SCHIP1: variants seen among roughly 807,000 people sequenced by gnomAD.
SCHIP1 encodes the protein schwannomin interacting protein 1.
A neutral mutation model predicts 29.7 loss-of-function variants in SCHIP1; 8 were observed. That is an observed-to-expected ratio of 0.27 (90% CI 0.16 to 0.49). SCHIP1 has a LOEUF of 0.49. Among genes scored for constraint, SCHIP1 ranks in the 20% least tolerant of loss-of-function variants. The pLI is 0.99. For synonymous variants in SCHIP1, 76 were observed against 94.9 expected, an observed-to-expected ratio of 0.80 and a Z score of 1.16; for missense variants, 193 against 294.6, an observed-to-expected ratio of 0.66 and a Z score of 2.52.
the SCHIP1 span, among the ~76,000 whole-genome samples, chr3:159,811,981 T>TTTG: frequency 9.6e-6 from 1 of 104,420 alleles, no homozygotes; most frequent in African/African-American, 4.1e-5. Context: ...TTTGTTTTTG[T>TTTG]TTTTTTTTTT....
chr3:159,786,494 T>C, the SCHIP1 span, among the ~76,000 whole-genome samples: 2 of 152,252 alleles, frequency 1.3e-5, no homozygotes, highest in Admixed American at 1.3e-4. Context: ...TATTGGCATA[T>C]GTCTGTTCAA....
At chr3:159,787,264 A>T in the SCHIP1 span, among the ~76,000 whole-genome samples, 3 of 152,218 alleles carry the variant, frequency 2.0e-5, no homozygotes, top group African/African-American at 4.8e-5. Flanking sequence ...GCCTCTGCCT[A>T]GCCTTCAGTC....
chr3:159,777,351 A>G, the SCHIP1 span, among the ~76,000 whole-genome samples: 1 of 152,312 alleles, frequency 6.6e-6, no homozygotes, highest in South Asian at 2.1e-4. Flanking sequence ...AATCTTAAGG[A>G]GGAAAACCCA....
the SCHIP1 span, among the ~76,000 whole-genome samples, chr3:159,828,769 A>C: frequency 6.6e-6 from 1 of 152,062 alleles, no homozygotes; most frequent in African/African-American, 2.4e-5. Context: ...GCTTTAGCAA[A>C]ATGCATTTGT....
the SCHIP1 span, among the ~76,000 whole-genome samples, chr3:159,466,334 A>C: frequency 6.6e-6 from 1 of 152,086 alleles, no homozygotes; most frequent in Non-Finnish European, 1.5e-5. Flanking sequence ...AAAGAAAAAA[A>C]AGAACATGAG....
At chr3:159,301,676 A>T in the SCHIP1 span, among the ~76,000 whole-genome samples, 1 of 152,012 alleles carries the variant, frequency 6.6e-6, no homozygotes, top group Admixed American at 6.6e-5. Flanking sequence ...AAAGTGTGGC[A>T]CTTCCCCTTT....
chr3:159,527,091 T>G, the SCHIP1 span, among the ~76,000 whole-genome samples: 1 of 152,178 alleles, frequency 6.6e-6, no homozygotes, highest in South Asian at 2.1e-4. Context: ...AACCAGCCCT[T>G]TGGTTCAGAT....
At chr3:159,437,052 C>T in the SCHIP1 span, among the ~76,000 whole-genome samples, 1 of 152,108 alleles carries the variant, frequency 6.6e-6, no homozygotes, top group African/African-American at 2.4e-5. Flanking sequence ...ACTTCTAACT[C>T]CTGCTGGCCT....
chr3:159,666,773 T>G, the SCHIP1 span, among the ~76,000 whole-genome samples: 1 of 152,204 alleles, frequency 6.6e-6, no homozygotes, highest in Admixed American at 6.5e-5. Flanking sequence ...AAGAAATGTA[T>G]CATCATGAAG....
chr3:159,568,090 T>A, the SCHIP1 span, among the ~76,000 whole-genome samples: 4 of 152,096 alleles, frequency 2.6e-5, no homozygotes, highest in Admixed American at 6.6e-5. Context: ...TTTATATTTT[T>A]ATAGATTGTC....
At chr3:159,527,894 T>A in the SCHIP1 span, among the ~76,000 whole-genome samples, 1 of 152,220 alleles carries the variant, frequency 6.6e-6, no homozygotes, top group Non-Finnish European at 1.5e-5. Context: ...TTTAAATTGT[T>A]TGCCAAAGGC....
chr3:159,613,500 C>T, the SCHIP1 span, among the ~76,000 whole-genome samples: 1 of 152,218 alleles, frequency 6.6e-6, no homozygotes, highest in East Asian at 1.9e-4. Context: ...TCACTTAAAA[C>T]TTCAAACATT....
chr3:159,755,951 C>A, the SCHIP1 span, among the ~76,000 whole-genome samples: 1 of 152,260 alleles, frequency 6.6e-6, no homozygotes, highest in African/African-American at 2.4e-5. Context: ...TGGTCCTGGG[C>A]AGCTCTGCTT....
At chr3:159,882,033 C>T (rs1348515691) in intron 2 of SCHIP1, among the ~76,000 whole-genome samples, 1 of 152,224 alleles carries the variant, frequency 6.6e-6, no homozygotes, top group Non-Finnish European at 1.5e-5. Context: ...CCATCACTTC[C>T]TCTGCATTCT....
At chr3:159,802,499 G>T in the SCHIP1 span, among the ~76,000 whole-genome samples, 1 of 152,202 alleles carries the variant, frequency 6.6e-6, no homozygotes, top group Non-Finnish European at 1.5e-5. Flanking sequence ...TCAATAGATA[G>T]GGTTTTCTGT....
intron 1 of SCHIP1, among the ~76,000 whole-genome samples, chr3:159,842,951 G>T (rs908564550): frequency 6.8e-6 from 1 of 146,666 alleles, no homozygotes; most frequent in Admixed American, 7.0e-5. Context: ...GCCTTATCTG[G>T]ATGTAATCTG....
At chr3:159,461,548 T>A in the SCHIP1 span, among the ~76,000 whole-genome samples, 27 of 152,050 alleles carry the variant, frequency 1.8e-4, no homozygotes, top group African/African-American at 6.3e-4. Context: ...ACAGGAAAAA[T>A]TATCCGGAAG....
the SCHIP1 span, among the ~76,000 whole-genome samples, chr3:159,615,308 G>A: frequency 1.3e-5 from 2 of 152,282 alleles, no homozygotes; most frequent in African/African-American, 4.8e-5. Context: ...ACTTTCTGAC[G>A]GGAGTGGGAA....
the SCHIP1 span, among the ~76,000 whole-genome samples, chr3:159,661,108 A>G: frequency 6.6e-6 from 1 of 152,214 alleles, no homozygotes; most frequent in African/African-American, 2.4e-5. Context: ...AGCTATGATA[A>G]GAAGGGAGTA....
Sources: gnomAD v4.1 joint callset for allele counts (sites outside exome capture counted in the v4.1 genomes callset) on GRCh38, gnomAD v4.1.1 for gene constraint, MANE v1.5 for transcripts, NCBI Gene and HGNC (gene_info 2026-07-23, HGNC 2026-07-21) for gene names.